The following CCDC178 variants were observed in gnomAD, a reference collection of about 807,000 sequenced individuals.
CCDC178 encodes coiled-coil domain containing 178, also known as coiled-coil domain-containing protein 178.
CCDC178 carries 126 observed loss-of-function variants against 117.4 expected under a neutral mutation model. The ratio of observed to expected loss-of-function variants is 1.07; its 90% CI spans 0.93 to 1.24. The LOEUF is 1.24. CCDC178 is among the 50% of genes most tolerant of loss of function. The pLI is 0.00. For missense variants in CCDC178, 1,030 were observed against 986.9 expected, an observed-to-expected ratio of 1.04 and a Z score of -0.59; for synonymous variants, 283 against 313.4, an observed-to-expected ratio of 0.90 and a Z score of 1.02.
chr18:33,362,424 T>A (rs1042724243), intron 6 of CCDC178, among the ~76,000 whole-genome samples: 4 of 151,686 alleles, frequency 2.6e-5, no homozygotes, highest in African/African-American at 9.7e-5. Context: ...AATGCAGAGA[T>A]GCAGGTCAGA....
chr18:33,253,901 A>C (rs1259728930), intron 14 of CCDC178, among the ~76,000 whole-genome samples: 1 of 151,890 alleles, frequency 6.6e-6, no homozygotes, highest in Non-Finnish European at 1.5e-5. Context: ...CAAAGTTGTA[A>C]TCAAGATTAA....
At chr18:33,207,566 A>G (rs1169021295) in intron 20 of CCDC178, among the ~76,000 whole-genome samples, 2 of 151,168 alleles carry the variant, frequency 1.3e-5, no homozygotes, top group Admixed American at 6.6e-5. Flanking sequence ...CATAATATCT[A>G]AAGTATGTTC....
rs2059107589 is a variant in CCDC178, at chr18:33,211,500, A to G, written c.2238+396T>C. 4.6e-5 allele frequency among the ~76,000 whole-genome samples: 7 copies of G among 151,876 alleles called. No individual in the cohort carries two copies. The South Asian group carries it at 1.5e-3, about 31-fold the overall frequency. On this transcript the variant is annotated intron_variant, in intron 20 of 22. Coordinates refer to ENST00000383096, the MANE Select transcript of CCDC178 (RefSeq NM_001105528.4). Reference sequence around the variant, plus strand: ...TTTTTCTACAGGAGAAGAGCGTGACATATTTTCATTCCTCAAAAAAGTGGT... The same window carrying G: ...TTTTTCTACAGGAGAAGAGCGTGACGTATTTTCATTCCTCAAAAAAGTGGT...
At chr18:33,216,701 T>A (rs72947195) in intron 18 of CCDC178, among the ~76,000 whole-genome samples, 7,801 of 152,176 alleles carry the variant, frequency 0.051, 303 homozygotes, top group East Asian at 0.12. Context: ...GAACATTGGG[T>A]ACTGCATTTG....
chr18:33,374,283 A>G (rs1160995395), intron 5 of CCDC178, among the ~76,000 whole-genome samples: 2 of 152,230 alleles, frequency 1.3e-5, no homozygotes. Flanking sequence ...CAGAATGTGC[A>G]GAGAAAATTC....
At chr18:33,229,314 C>T (rs1207875039) in intron 15 of CCDC178, among the ~76,000 whole-genome samples, 2 of 152,146 alleles carry the variant, frequency 1.3e-5, no homozygotes, top group African/African-American at 2.4e-5. Flanking sequence ...ACCCCAGGAA[C>T]AGGAATGACC....
At chr18:33,135,341 G>A (rs763101970) in intron 20 of CCDC178, among the ~76,000 whole-genome samples, 116 of 151,668 alleles carry the variant, frequency 7.6e-4, no homozygotes, top group Non-Finnish European at 8.5e-4. Flanking sequence ...CATTTAGATG[G>A]CACACAAAAA....
In CCDC178 at chr18:33,412,367, C is replaced by T. The variant is rs531572881; in HGVS notation, c.-22-257G>A. On this transcript the variant is annotated intron_variant, in intron 2 of 22. Transcript: ENST00000383096. ...CTTAAACCAATACCTAGGCTGACTA[C>T]GAGATAATTTAGCATTGGCAATTGT... is the stretch of plus-strand genomic sequence containing the variant. 2.2e-4 allele frequency among the ~76,000 whole-genome samples: 34 copies of T among 152,152 alleles called. No homozygotes were observed. The South Asian group carries it at 6.0e-3, about 27-fold the overall frequency.
intron 20 of CCDC178, among the ~76,000 whole-genome samples, chr18:33,098,730 G>C (rs1349204066): frequency 6.6e-6 from 1 of 151,920 alleles, no homozygotes; most frequent in African/African-American, 2.4e-5. Context: ...CTCACATCTA[G>C]CCTTTTCTTC....
chr18:33,171,674 G>C (rs117280538), intron 20 of CCDC178, among the ~76,000 whole-genome samples: 2 of 152,150 alleles, frequency 1.3e-5, no homozygotes, highest in African/African-American at 4.8e-5. Flanking sequence ...AGCTATGCTG[G>C]GGTAACAGTT....
chr18:33,260,991 T>C (rs889730607), intron 14 of CCDC178, among the ~76,000 whole-genome samples: 1 of 152,216 alleles, frequency 6.6e-6, no homozygotes, highest in Non-Finnish European at 1.5e-5. Flanking sequence ...AATGGTATTA[T>C]AATTTCCGAA....
intron 21 of CCDC178, among the ~76,000 whole-genome samples, chr18:33,044,047 ATGTGTG>A (rs374505982): frequency 6.8e-6 from 1 of 146,026 alleles, no homozygotes; most frequent in Non-Finnish European, 1.5e-5. Context: ...ACACCAGCAT[ATGTGTG>A]TGTGTGTGTG....
chr18:33,344,568 T>C (rs1050206750), intron 9 of CCDC178, among the ~76,000 whole-genome samples: 2 of 152,206 alleles, frequency 1.3e-5, no homozygotes, highest in Non-Finnish European at 2.9e-5. Context: ...CTACAATACC[T>C]AAGCACTATT....
intron 6 of CCDC178, among the ~76,000 whole-genome samples, chr18:33,358,621 A>C (rs1187451304): frequency 6.6e-6 from 1 of 151,928 alleles, no homozygotes; most frequent in African/African-American, 2.4e-5. Flanking sequence ...TCATATGCAA[A>C]AAAGAAATCA....
chr18:33,432,899 T>G (rs2064240904), intron 2 of CCDC178, among the ~76,000 whole-genome samples: 1 of 152,214 alleles, frequency 6.6e-6, no homozygotes, highest in South Asian at 2.1e-4. Flanking sequence ...TTAAGGCATA[T>G]GAAATATGAT....
chr18:33,420,346 G>C (rs1568215643), intron 2 of CCDC178, among the ~76,000 whole-genome samples: 1 of 151,978 alleles, frequency 6.6e-6, no homozygotes. Flanking sequence ...AATAATTGTG[G>C]ATTTGCCATT....
At chr18:32,941,695 G>T (rs1470694665) in intron 22 of CCDC178, among the ~76,000 whole-genome samples, 1 of 152,140 alleles carries the variant, frequency 6.6e-6, no homozygotes, top group Admixed American at 6.6e-5. Context: ...TATGGGCAAA[G>T]GTGCAGATGG....
chr18:32,974,776 G>C, intron 21 of CCDC178, 95 bp from the exon 22 acceptor site: 3 of 1,208,562 alleles, frequency 2.5e-6, no homozygotes, highest in Non-Finnish European at 3.5e-6. Context: ...AATATAGAAA[G>C]CAGTCAATAG....
rs538126861 is a variant in CCDC178, at chr18:33,355,600, C to T, written c.371+724G>A. Among the ~76,000 whole-genome samples, 27 of 152,282 alleles carry T rather than the reference C, an allele frequency of 1.8e-4. No homozygotes were observed. The South Asian group carries it at 5.4e-3, about 30-fold the overall frequency. ...CAGCCCTCTGTGTTCTATCAAATCT[C>T]CAGTATATTGAGAGATTTTCCTTCA... On this transcript the variant is annotated intron_variant, in intron 7 of 22. Coordinates refer to ENST00000383096, the MANE Select transcript of CCDC178 (RefSeq NM_001105528.4).
Sources: gnomAD v4.1 joint callset for allele counts (sites outside exome capture counted in the v4.1 genomes callset) on GRCh38, gnomAD v4.1.1 for gene constraint, MANE v1.5 for transcripts, NCBI Gene and HGNC (gene_info 2026-07-23, HGNC 2026-07-21) for gene names.